ROBO2: variants seen among roughly 807,000 people sequenced by gnomAD.
ROBO2 encodes the protein roundabout guidance receptor 2.
In ROBO2, 53 loss-of-function variants were observed where a neutral mutation model predicts 160.8. The ratio of observed to expected loss-of-function variants is 0.33; its 90% CI spans 0.26 to 0.41. The LOEUF (loss-of-function observed/expected upper bound fraction) is 0.41. Among genes scored for constraint, ROBO2 ranks in the 10% least tolerant of loss-of-function variants. The pLI, the probability that ROBO2 is intolerant of heterozygous loss-of-function variation, is 1.00. For missense variants in ROBO2, 1,577 were observed against 1,722.4 expected, an observed-to-expected ratio of 0.92 and a Z score of 1.49; for synonymous variants, 664 against 611.7, an observed-to-expected ratio of 1.09 and a Z score of -1.26.
rs369708262 is a variant in ROBO2 at position 76,124,303 on chromosome 3, T to C, written c.109+186701T>C. On this transcript the variant is annotated intron_variant, in intron 2 of 26. Coordinates refer to the ROBO2 transcript ENST00000487694. ...ATCTTTATATCTTCTAGCTAGAGTG[T>C]TATTTACAATGGATTATTGAGTTTC... 1.8e-4 allele frequency among the ~76,000 whole-genome samples: 28 copies of C among 152,266 alleles called. No individual in the cohort carries two copies. In the South Asian group the frequency reaches 5.4e-3, roughly 29 times the overall value.
chr3:77,346,595 C>T (rs1431373203), intron 2 of ROBO2, among the ~76,000 whole-genome samples: 1 of 152,086 alleles, frequency 6.6e-6, no homozygotes, highest in Non-Finnish European at 1.5e-5. Context: ...GGTTCACATT[C>T]CCGGAATCAA....
intron 2 of ROBO2, among the ~76,000 whole-genome samples, chr3:76,676,117 G>A (rs1045768446): frequency 6.6e-6 from 1 of 152,112 alleles, no homozygotes. Context: ...TAAAACAAGT[G>A]ATATGGTTTG....
intron 2 of ROBO2, among the ~76,000 whole-genome samples, chr3:76,270,257 C>T (rs1488627792): frequency 6.6e-6 from 1 of 152,066 alleles, no homozygotes; most frequent in Non-Finnish European, 1.5e-5. Flanking sequence ...CAATCCAACA[C>T]TTTAAATACA....
At chr3:75,964,408 T>A (rs1949032735) in intron 2 of ROBO2, among the ~76,000 whole-genome samples, 2 of 151,746 alleles carry the variant, frequency 1.3e-5, no homozygotes, top group South Asian at 4.1e-4. Context: ...AGGCAATGGG[T>A]GTATTTTGTT....
intron 2 of ROBO2, among the ~76,000 whole-genome samples, chr3:75,962,151 G>T (rs1948939199): frequency 6.6e-6 from 1 of 151,556 alleles, no homozygotes; most frequent in Non-Finnish European, 1.5e-5. Context: ...TAAACAAAAT[G>T]TGAAGGGAGT....
At chr3:76,768,014 A>G (rs1291268344) in intron 2 of ROBO2, among the ~76,000 whole-genome samples, 2 of 151,512 alleles carry the variant, frequency 1.3e-5, no homozygotes, top group Non-Finnish European at 3.0e-5. Flanking sequence ...ATAATATTAA[A>G]TTTGTTTTTA....
At chr3:76,992,369 A>ATATATATATATATT (rs1491181246) in intron 2 of ROBO2, among the ~76,000 whole-genome samples, 1 of 30,236 alleles carries the variant, frequency 3.3e-5, no homozygotes, top group African/African-American at 1.9e-4. Context: ...ATATATATAT[A>ATATATATATATATT]AATTTAGCTT....
chr3:77,461,829 G>A (rs2082275623), intron 2 of ROBO2, among the ~76,000 whole-genome samples: 1 of 151,764 alleles, frequency 6.6e-6, no homozygotes, highest in African/African-American at 2.4e-5. Flanking sequence ...CTGGGTTCAA[G>A]CCATTCTCCT....
chr3:76,690,841 G>C (rs1029492566), intron 2 of ROBO2, among the ~76,000 whole-genome samples: 2 of 152,004 alleles, frequency 1.3e-5, no homozygotes, highest in East Asian at 3.9e-4. Context: ...CCAATGTTGA[G>C]ATTTTTCCAG....
chr3:76,117,496 G>T (rs1486790177), intron 2 of ROBO2, among the ~76,000 whole-genome samples: 1 of 152,098 alleles, frequency 6.6e-6, no homozygotes, highest in Non-Finnish European at 1.5e-5. Context: ...CTCTGTGTAT[G>T]TCAATGAAAA....
chr3:77,083,087 C>A (rs748013458), intron 1 of ROBO2, among the ~76,000 whole-genome samples: 9 of 151,990 alleles, frequency 5.9e-5, no homozygotes, highest in Admixed American at 2.0e-4. Flanking sequence ...CTCATTTCTC[C>A]CCCTGCAGTC....
At chr3:77,129,652 C>T (rs776875664) in intron 2 of ROBO2, among the ~76,000 whole-genome samples, 21 of 152,146 alleles carry the variant, frequency 1.4e-4, no homozygotes, top group Non-Finnish European at 2.5e-4. Flanking sequence ...AACGTGCGGT[C>T]GGGTGTTGTT....
intron 2 of ROBO2, among the ~76,000 whole-genome samples, chr3:76,736,302 A>AT (rs2093712673): frequency 6.6e-6 from 1 of 150,910 alleles, no homozygotes; most frequent in Non-Finnish European, 1.5e-5. Flanking sequence ...ATAAAATAAA[A>AT]TAAAATAAAA....
intron 2 of ROBO2, among the ~76,000 whole-genome samples, chr3:76,303,608 CA>C (rs5850248): frequency 0.83 from 126,026 of 151,538 alleles, 54,757 homozygotes; most frequent in Non-Finnish European, 0.98. Context: ...AACTACTCTT[CA>C]AAAAAAAAGA....
chr3:77,490,362 T>G (rs372242316), intron 4 of ROBO2, among the ~76,000 whole-genome samples: 1 of 152,266 alleles, frequency 6.6e-6, no homozygotes, highest in East Asian at 1.9e-4. Flanking sequence ...AGTGCTGGGA[T>G]TACAGGCGTG....
chr3:77,555,043 C>T (rs1271929778), intron 8 of ROBO2, among the ~76,000 whole-genome samples: 1 of 151,910 alleles, frequency 6.6e-6, no homozygotes, highest in Non-Finnish European at 1.5e-5. Context: ...CTTCAGCAAC[C>T]ACCACCCTGG....
At chr3:76,436,870 C>G (rs1407482154) in intron 2 of ROBO2, among the ~76,000 whole-genome samples, 2 of 152,146 alleles carry the variant, frequency 1.3e-5, no homozygotes, top group East Asian at 3.9e-4. Flanking sequence ...GTGGGGTGCT[C>G]TGGCTCAGAC....
At chr3:76,631,494 A>G (rs924474519) in intron 2 of ROBO2, among the ~76,000 whole-genome samples, 8 of 152,192 alleles carry the variant, frequency 5.3e-5, no homozygotes, top group African/African-American at 1.9e-4. Context: ...AGCATTTGAG[A>G]TGGATCAAAG....
At chr3:77,610,803 A>G (rs1583270212) in intron 21 of ROBO2, among the ~76,000 whole-genome samples, 1 of 151,352 alleles carries the variant, frequency 6.6e-6, no homozygotes, top group Middle Eastern at 3.4e-3. Flanking sequence ...ACGAGAAAAC[A>G]GGAAATAGCA....
Sources: gnomAD v4.1 joint callset for allele counts (sites outside exome capture counted in the v4.1 genomes callset) on GRCh38, gnomAD v4.1.1 for gene constraint, MANE v1.5 for transcripts, NCBI Gene and HGNC (gene_info 2026-07-23, HGNC 2026-07-21) for gene names.